IRAK1BP1: variants seen among roughly 807,000 people sequenced by gnomAD.
IRAK1BP1 encodes the protein interleukin-1 receptor-associated kinase 1-binding protein 1.
IRAK1BP1 carries 24 observed loss-of-function variants against 28.0 expected under a neutral mutation model. The observed-to-expected ratio is 0.86, with a 90% CI of 0.62 to 1.20. The LOEUF (loss-of-function observed/expected upper bound fraction) is 1.20, where lower values mean the gene tolerates loss of function less well. Ranked by LOEUF, IRAK1BP1 falls within the 50% of genes most tolerant of loss-of-function variation. The probability of loss-of-function intolerance (pLI) is 0.00; values close to 1 mark genes in which losing one functional copy is unlikely to be tolerated. For missense variants in IRAK1BP1, 336 were observed against 316.7 expected (o/e 1.06, Z -0.46); for synonymous variants, 131 against 116.3 (o/e 1.13, Z -0.81).
At chr6:78,868,086 A>T (rs1287705707) in intron 1 of IRAK1BP1, among the ~76,000 whole-genome samples, 195 bp downstream of exon 1, 1 of 152,210 alleles carries the variant, frequency 6.6e-6, no homozygotes, top group African/African-American at 2.4e-5. Context: ...CTCCTAGACG[A>T]AGGTAATTAT....
chr6:78,910,214 C>A (rs1385726432), intron 4 of IRAK1BP1, among the ~76,000 whole-genome samples: 1 of 151,988 alleles, frequency 6.6e-6, no homozygotes, highest in Non-Finnish European at 1.5e-5. Flanking sequence ...GGGGACTGGA[C>A]GGAGGGCACG....
chr6:78,972,345 C>T, the IRAK1BP1 span, among the ~76,000 whole-genome samples: 3 of 152,156 alleles, frequency 2.0e-5, no homozygotes, highest in African/African-American at 7.2e-5. Context: ...AACTAACAAA[C>T]AGAAAGGACA....
downstream of IRAK1BP1, among the ~76,000 whole-genome samples, chr6:78,904,435 G>T (rs1247691809): frequency 3.3e-5 from 5 of 152,226 alleles, no homozygotes; most frequent in East Asian, 9.6e-4. Flanking sequence ...TTGAAATTCT[G>T]ACAGCAGCCA....
In IRAK1BP1 at chr6:78,899,128, G is replaced by A. The variant is rs1337204246; in HGVS notation, c.*794G>A. On this transcript the variant is annotated 3_prime_UTR_variant, in exon 4 of 4. Coordinates refer to ENST00000369940, the MANE Select transcript of IRAK1BP1 (RefSeq NM_001010844.4). ...GTTGTAGGTAAAGAATACTGAGCTT[G>A]GAGGGTTCACTGCTTTTTATCCATG... The A allele has an allele frequency of 2.0e-5, 3 of 152,188 alleles. No individual in the cohort carries two copies. The highest frequency in any genetic ancestry group is 4.4e-5 in the Non-Finnish European group (3 of 68,054). The allele number at this position is 152,188 out of a possible 1,614,324, so 9.4% of individuals were successfully genotyped here. A position where few individuals can be genotyped will look rare whatever the true frequency, so the allele number is the denominator to read the frequency against.
downstream of IRAK1BP1, among the ~76,000 whole-genome samples, chr6:78,949,939 T>C (rs537241581): frequency 9.2e-5 from 14 of 152,272 alleles, no homozygotes; most frequent in South Asian, 6.2e-4. Context: ...TCCACCTACC[T>C]TGGCCTCCCA....
chr6:78,914,400 A>G (rs1208813436), intron 4 of IRAK1BP1, among the ~76,000 whole-genome samples: 2 of 152,228 alleles, frequency 1.3e-5, no homozygotes, highest in Non-Finnish European at 2.9e-5. Flanking sequence ...TTCTAAAATA[A>G]AATGTCTTGC....
the IRAK1BP1 span, chr6:78,954,934 A>G: frequency 1.3e-6 from 2 of 1,574,194 alleles, no homozygotes; most frequent in Non-Finnish European, 1.7e-6. Context: ...ACTGGGCTCT[A>G]TTACGTAATC....
chr6:78,971,093 C>T, the IRAK1BP1 span, among the ~76,000 whole-genome samples: 15 of 152,258 alleles, frequency 9.9e-5, no homozygotes, highest in South Asian at 2.5e-3. Flanking sequence ...ACTTTGAATA[C>T]ACACTTATAA....
At chr6:78,936,054 A>G (rs1264085710) in intron 4 of IRAK1BP1, 1 of 152,040 alleles carries the variant, frequency 6.6e-6, no homozygotes, top group Non-Finnish European at 1.5e-5. Context: ...ACAAAAAGAA[A>G]GGGCACTGCT....
the IRAK1BP1 span, among the ~76,000 whole-genome samples, chr6:78,979,054 C>G: frequency 2.0e-4 from 30 of 152,170 alleles, no homozygotes; most frequent in African/African-American, 6.0e-4. Flanking sequence ...ATATAGGAGA[C>G]TGTGTGTAGG....
At chr6:78,891,307 T>C (rs1252537220) in intron 2 of IRAK1BP1, among the ~76,000 whole-genome samples, 2 of 152,162 alleles carry the variant, frequency 1.3e-5, no homozygotes, top group Non-Finnish European at 2.9e-5. Context: ...GTTGATTTAA[T>C]TTTAAAAAAA....
the IRAK1BP1 span, among the ~76,000 whole-genome samples, chr6:78,962,372 A>G: frequency 6.6e-6 from 1 of 152,164 alleles, no homozygotes; most frequent in South Asian, 2.1e-4. Flanking sequence ...TCATTCGCAT[A>G]TAATACTTAA....
At position 78,867,601 on chromosome 6, in the gene IRAK1BP1, A is replaced by C. The variant is rs1265226659; in HGVS notation, c.25A>C (p.Thr9Pro). 3 of 1,613,984 alleles carry C rather than the reference A, an allele frequency of 1.9e-6. No individual in the cohort carries two copies. Among genetic ancestry groups the C allele is most frequent in the African/African-American group, 2.7e-5 (2 of 74,914 alleles). Residue 9 changes from threonine (T) to proline (P), a missense_variant, in exon 1 of 4, where the codon ACC becomes CCC. Thr to Pro is a conservative substitution (Grantham distance 38). Coordinates refer to ENST00000369940, the MANE Select transcript of IRAK1BP1 (RefSeq NM_001010844.4). MSLQKTPP[T>P]RVFVELVPWA... ...TATGTCTCTGCAAAAGACCCCTCCGACCCGAGTGTTCGTGGAACTGGTTCC... is the reference window on the plus strand; with the variant it reads ...TATGTCTCTGCAAAAGACCCCTCCGCCCCGAGTGTTCGTGGAACTGGTTCC...
In IRAK1BP1 at chr6:78,900,542, A is replaced by G. The variant is rs1040702884; in HGVS notation, c.*2208A>G. ...TCAACACCATTATATCCAAATCCTGACCTTACTACTGGAATGTAAGCTCCT... is the reference window on the plus strand; with the variant it reads ...TCAACACCATTATATCCAAATCCTGGCCTTACTACTGGAATGTAAGCTCCT... On this transcript the variant is annotated 3_prime_UTR_variant, in exon 4 of 4. Coordinates refer to ENST00000369940, the MANE Select transcript of IRAK1BP1 (RefSeq NM_001010844.4). The G allele has an allele frequency of 1.3e-5, 2 of 152,124 alleles. No individual in the cohort carries two copies. The highest frequency in any genetic ancestry group is 4.8e-5 in the African/African-American group (2 of 41,414). The allele number at this position is 152,124 out of a possible 1,614,324, so 9.4% of individuals were successfully genotyped here.
intron 4 of IRAK1BP1, among the ~76,000 whole-genome samples, chr6:78,943,285 AGATAAT>A (rs1377007328): frequency 2.6e-5 from 4 of 152,204 alleles, no homozygotes; most frequent in Non-Finnish European, 5.9e-5. Context: ...GTTAACTAAT[AGATAAT>A]GATATTTCTA....
chr6:78,892,973 T>G (rs542488747), intron 2 of IRAK1BP1, among the ~76,000 whole-genome samples: 87 of 151,542 alleles, frequency 5.7e-4, no homozygotes, highest in African/African-American at 2.1e-3. Context: ...CAGAGGAAAG[T>G]GGGGGACAAG....
At chr6:78,870,931 G>C (rs1367112694) in intron 1 of IRAK1BP1, among the ~76,000 whole-genome samples, 2 of 151,824 alleles carry the variant, frequency 1.3e-5, no homozygotes, top group African/African-American at 4.8e-5. Context: ...GGCTGGTCTC[G>C]AACTCCTGAC....
intron 4 of IRAK1BP1, among the ~76,000 whole-genome samples, chr6:78,909,211 T>C (rs1772340680): frequency 6.6e-6 from 1 of 152,244 alleles, no homozygotes; most frequent in Non-Finnish European, 1.5e-5. Flanking sequence ...ATTCAGTATA[T>C]ACCTCCACTT....
chr6:78,978,933 A>C, the IRAK1BP1 span, among the ~76,000 whole-genome samples: 2 of 152,164 alleles, frequency 1.3e-5, no homozygotes, highest in Non-Finnish European at 1.5e-5. Flanking sequence ...AAGTTCCAAC[A>C]GGCAAAACTT....
Sources: gnomAD v4.1 joint callset for allele counts (sites outside exome capture counted in the v4.1 genomes callset) on GRCh38, gnomAD v4.1.1 for gene constraint, MANE v1.5 for transcripts, NCBI Gene and HGNC (gene_info 2026-07-23, HGNC 2026-07-21) for gene names.